Variants in ADAMTS18 observed in about 807,000 individuals in gnomAD.
ADAMTS18 encodes A disintegrin and metalloproteinase with thrombospondin motifs 18.
ADAMTS18 carries 157 observed loss-of-function variants against 165.9 expected under a neutral mutation model. The ratio of observed to expected loss-of-function variants is 0.95; its 90% CI spans 0.83 to 1.08. The LOEUF is 1.08. ADAMTS18 is among the 50% of genes least tolerant of loss of function. ADAMTS18 has a pLI of 0.00. For missense variants in ADAMTS18, 2,040 were observed against 1,534.0 expected, an observed-to-expected ratio of 1.33 and a Z score of -5.51; for synonymous variants, 782 against 578.2, an observed-to-expected ratio of 1.35 and a Z score of -5.06.
chr16:77,367,790 A>C, intron 3 of ADAMTS18, 67 bp from the exon 4 acceptor site: 1 of 1,592,254 alleles, frequency 6.3e-7, no homozygotes, highest in Non-Finnish European at 8.6e-7. Flanking sequence ...GTTGGTTTTC[A>C]ACAACTGCTT....
chr16:77,397,568 A>C (rs2057274588), intron 3 of ADAMTS18, among the ~76,000 whole-genome samples: 1 of 152,222 alleles, frequency 6.6e-6, no homozygotes, highest in African/African-American at 2.4e-5. Flanking sequence ...AGTGATGTTA[A>C]TCTATTCCAA....
At chr16:77,334,912 T>TTATAGTA (rs953038543) in intron 12 of ADAMTS18, among the ~76,000 whole-genome samples, 1 of 138,232 alleles carries the variant, frequency 7.2e-6, no homozygotes, top group African/African-American at 2.7e-5. Context: ...ATACTGTACA[T>TTATAGTA]TATAGTATAT....
intron 3 of ADAMTS18, among the ~76,000 whole-genome samples, chr16:77,406,235 T>C (rs568348074): frequency 4.6e-5 from 7 of 151,974 alleles, no homozygotes; most frequent in Non-Finnish European, 7.4e-5. Context: ...ATCCATTTAC[T>C]GAGGAAAAAA....
At chr16:77,357,462 G>A (rs1343845210) in intron 8 of ADAMTS18, among the ~76,000 whole-genome samples, 2 of 152,226 alleles carry the variant, frequency 1.3e-5, no homozygotes, top group East Asian at 1.9e-4. Flanking sequence ...TAACCAAGAC[G>A]TTAAGGGGAT....
At chr16:77,315,695 A>G (rs1349966513) in intron 16 of ADAMTS18, among the ~76,000 whole-genome samples, 2 of 152,192 alleles carry the variant, frequency 1.3e-5, no homozygotes, top group Non-Finnish European at 2.9e-5. Context: ...CATTCTGGAT[A>G]TTGCAATTAT....
intron 12 of ADAMTS18, among the ~76,000 whole-genome samples, chr16:77,334,075 A>G (rs1210910198): frequency 9.9e-5 from 13 of 131,658 alleles, no homozygotes; most frequent in Admixed American, 2.6e-4. Flanking sequence ...TGCTATATAT[A>G]ATATACAGTG....
chr16:77,290,362 G>C (rs2055339015), intron 21 of ADAMTS18, among the ~76,000 whole-genome samples: 1 of 152,150 alleles, frequency 6.6e-6, no homozygotes, highest in Non-Finnish European at 1.5e-5. Flanking sequence ...GGCAGGTATT[G>C]GGGGAGCAGA....
chr16:77,355,288 C>G (rs974074060), intron 9 of ADAMTS18, among the ~76,000 whole-genome samples: 1 of 151,492 alleles, frequency 6.6e-6, no homozygotes, highest in Non-Finnish European at 1.5e-5. Context: ...ACTTTCCAAA[C>G]TCCTACTTTT....
chr16:77,335,096 T>C (rs994578007), intron 12 of ADAMTS18, among the ~76,000 whole-genome samples: 2 of 148,370 alleles, frequency 1.3e-5, no homozygotes, highest in African/African-American at 2.5e-5. Flanking sequence ...ATTCAGCCTA[T>C]TATGATAGTA....
In ADAMTS18 at chr16:77,364,182, G is replaced by A. The variant is rs374603757; in HGVS notation, c.972+6C>T. ...GAGCCAGAAGGTTTGTGACACCCCC[G>A]CTTACCATGTTCATTACTGTGAGAA... On this transcript the variant is annotated splice_donor_region_variant and intron_variant, in intron 5 of 22. Coordinates refer to ENST00000282849, the MANE Select transcript of ADAMTS18 (RefSeq NM_199355.4). 24 of 1,613,798 alleles carry A rather than the reference G, an allele frequency of 1.5e-5. No individual in the cohort carries two copies. Among genetic ancestry groups the A allele is most frequent in the African/African-American group, 6.7e-5 (5 of 74,830 alleles).
chr16:77,370,515 C>A, intron 3 of ADAMTS18, among the ~76,000 whole-genome samples: 1 of 152,066 alleles, frequency 6.6e-6, no homozygotes, highest in Non-Finnish European at 1.5e-5. Context: ...TTTGGGAGGC[C>A]GAGGTGGGTG....
At chr16:77,416,371 G>C (rs1010158960) in intron 3 of ADAMTS18, among the ~76,000 whole-genome samples, 1 of 152,144 alleles carries the variant, frequency 6.6e-6, no homozygotes, top group African/African-American at 2.4e-5. Context: ...ATACGGTTGG[G>C]CTATGTCCCT....
At chr16:77,389,962 G>A (rs536568058) in intron 3 of ADAMTS18, among the ~76,000 whole-genome samples, 2 of 152,284 alleles carry the variant, frequency 1.3e-5, no homozygotes, top group African/African-American at 4.8e-5. Context: ...CAAAACTGAT[G>A]TTCAGCCAAC....
At chr16:77,297,961 G>A (rs370466861) in intron 17 of ADAMTS18, among the ~76,000 whole-genome samples, 2 of 104,752 alleles carry the variant, frequency 1.9e-5, no homozygotes, top group Non-Finnish European at 3.4e-5. Context: ...GTCTCATTCT[G>A]TCGCCCAGGC....
chr16:77,362,681 A>ACAATCAAT (rs57471097), intron 6 of ADAMTS18, among the ~76,000 whole-genome samples: 5 of 151,400 alleles, frequency 3.3e-5, no homozygotes, highest in Non-Finnish European at 7.4e-5. Context: ...ATCATAGATT[A>ACAATCAAT]CAATCAATCA....
chr16:77,362,913 C>T (rs2056736527), intron 6 of ADAMTS18, among the ~76,000 whole-genome samples: 1 of 152,184 alleles, frequency 6.6e-6, no homozygotes, highest in Admixed American at 6.5e-5. Flanking sequence ...AGGCTAAAGA[C>T]AAAAGTGTCT....
chr16:77,342,799 T>G (rs75938356), intron 10 of ADAMTS18, among the ~76,000 whole-genome samples: 1,771 of 152,298 alleles, frequency 0.012, 19 homozygotes, highest in Middle Eastern at 0.041. Context: ...GAGGTCATCA[T>G]CAATTGAAAT....
intron 11 of ADAMTS18, among the ~76,000 whole-genome samples, chr16:77,336,398 G>A (rs1398631434): frequency 6.6e-6 from 1 of 152,148 alleles, no homozygotes; most frequent in Non-Finnish European, 1.5e-5. Context: ...CATTCTGAAT[G>A]ATTATCTTAT....
At chr16:77,308,037 G>T (rs2055712350) in intron 16 of ADAMTS18, among the ~76,000 whole-genome samples, 2 of 152,022 alleles carry the variant, frequency 1.3e-5, no homozygotes, top group Non-Finnish European at 2.9e-5. Context: ...CTAGGCTGTG[G>T]TTAACCTATT....
Sources: gnomAD v4.1 joint callset for allele counts (sites outside exome capture counted in the v4.1 genomes callset) on GRCh38, gnomAD v4.1.1 for gene constraint, MANE v1.5 for transcripts, NCBI Gene and HGNC (gene_info 2026-07-23, HGNC 2026-07-21) for gene names.